ITGB4: variants seen among roughly 807,000 people sequenced by gnomAD.
ITGB4 encodes the protein integrin beta-4.
ITGB4 carries 159 observed loss-of-function variants against 207.6 expected under a neutral mutation model. The ratio of observed to expected loss-of-function variants is 0.77; its 90% CI spans 0.67 to 0.87. The LOEUF is 0.87. Ranked by LOEUF, ITGB4 falls within the 40% of genes least tolerant of loss-of-function variation. The pLI is 0.00. For synonymous variants in ITGB4, 1,020 were observed against 1,062.7 expected, an observed-to-expected ratio of 0.96 and a Z score of 0.78; for missense variants, 2,278 against 2,546.8, an observed-to-expected ratio of 0.89 and a Z score of 2.27.
At chr17:75,728,698 A>C (rs556353559) in intron 6 of ITGB4, among the ~76,000 whole-genome samples, 4 of 152,058 alleles carry the variant, frequency 2.6e-5, no homozygotes, top group Non-Finnish European at 5.9e-5. Context: ...AAAAATACAA[A>C]AATTGGCTGG....
At chr17:75,728,833 G>A (rs567681388) in intron 6 of ITGB4, among the ~76,000 whole-genome samples, 10 of 152,008 alleles carry the variant, frequency 6.6e-5, no homozygotes, top group Admixed American at 6.6e-4. Flanking sequence ...AAATACAAAA[G>A]ATTAGCCAGG....
rs774074057 is a variant in ITGB4, at chr17:75,731,367, T to C, written c.1214T>C (p.Val405Ala). 3.1e-6 allele frequency: 5 copies of C among 1,608,718 alleles called. No homozygotes were observed. In the Admixed American group the frequency reaches 8.4e-5, roughly 27 times the overall value. ...TCCTTTCACATCCGGCGGGGGGAAG[T>C]GGTACGCCTCTGTGGGGGCAGCGGG... ...TGSFHIRRGE[V>A]GIYQVQLRAL... Residue 405 changes from valine (V) to alanine (A), a missense_variant and splice_region_variant, in exon 10 of 40, where the codon GTG becomes GCG. Transcript: ENST00000200181. The surrounding 1 kb of genome is among the most constrained non-coding windows in gnomAD (Gnocchi z 6.8).
At chr17:75,753,675 C>A (rs1277067295) in intron 32 of ITGB4, 90 bp from the exon 33 acceptor site, 1 of 857,940 alleles carries the variant, frequency 1.2e-6, no homozygotes, top group Non-Finnish European at 1.6e-6. Context: ...AGACGGGCTC[C>A]CCTCGCAGAG....
Position 75,721,973 on chromosome 17 carries a change from G to A in ITGB4, c.-11+361G>A, listed in dbSNP as rs1478757169. On this transcript the variant is annotated intron_variant, in intron 1 of 39. Transcript: ENST00000200181. Reference sequence around the variant, plus strand: ...AGTGCTGGGCCCAGCCCATCATGGCGCATCTAATGATAAACCAACATTCCT... The same window carrying A: ...AGTGCTGGGCCCAGCCCATCATGGCACATCTAATGATAAACCAACATTCCT... Among the ~76,000 whole-genome samples, 3 of 152,222 alleles carry A rather than the reference G, an allele frequency of 2.0e-5. No individual in the cohort carries two copies. In the East Asian group the frequency reaches 5.8e-4, roughly 29 times the overall value.
In ITGB4 at chr17:75,737,570, C is replaced by A; in HGVS notation, c.2146C>A (p.Pro716Thr). 2 of 1,599,588 alleles carry A rather than the reference C, an allele frequency of 1.3e-6. No individual in the cohort carries two copies. The highest frequency in any genetic ancestry group is 2.3e-5 in the East Asian group (1 of 44,056). ...CPPGSFWWLI[P>T]LLLLLLPLLA... Reference sequence around the variant, plus strand: ...TCCGGGCTCCTTCTGGTGGCTCATCCCCCTGCTCCTCCTCCTCCTGCCGCT... The same window carrying A: ...TCCGGGCTCCTTCTGGTGGCTCATCACCCTGCTCCTCCTCCTCCTGCCGCT... The change falls in exon 18 of 40, where the codon CCC becomes ACC. Residue 716 changes from proline (P) to threonine (T), a missense_variant. Physicochemically the swap from Pro to Thr is conservative, Grantham distance 38. Coordinates refer to ENST00000200181, the MANE Select transcript of ITGB4 (RefSeq NM_000213.5).
chr17:75,755,628 G>C, intron 34 of ITGB4, 73 bp from the exon 35 acceptor site: 1 of 1,585,724 alleles, frequency 6.3e-7, no homozygotes. Context: ...AGGGAGGTCA[G>C]GGGGCAGCAC....
In ITGB4 at chr17:75,742,733, G is replaced by A; in HGVS notation, c.2934G>A (p.Leu978=). Residue 978 remains leucine, a synonymous_variant, in exon 25 of 40, where the codon CTG becomes CTA. Coordinates refer to ENST00000200181, the MANE Select transcript of ITGB4 (RefSeq NM_000213.5). This position sits in a 1 kb window ranked among gnomAD's most constrained non-coding sequence, Gnocchi z 5.9. ...PAGTATLGRR[L]VNITIIKEQA... is the part of the protein sequence containing the mutation. ...GCACTGCCACCCTCGGCCGCCGCCTGGTAAACATCACCATCATCAAGGAGC... is the reference window on the plus strand; with the variant it reads ...GCACTGCCACCCTCGGCCGCCGCCTAGTAAACATCACCATCATCAAGGAGC... 1 of 1,612,102 alleles carries A rather than the reference G, an allele frequency of 6.2e-7. No individual in the cohort carries two copies. Among genetic ancestry groups the A allele is most frequent in the Non-Finnish European group, 8.5e-7 (1 of 1,180,002 alleles).
chr17:75,752,404 G>A, intron 31 of ITGB4, 42 bp from the exon 32 acceptor site: 1 of 1,612,838 alleles, frequency 6.2e-7, no homozygotes. Flanking sequence ...AGGGGGGCAG[G>A]GGGCAGCAGC....
chr17:75,733,140 G>A (rs2060898406), intron 12 of ITGB4, among the ~76,000 whole-genome samples: 1 of 151,358 alleles, frequency 6.6e-6, no homozygotes, highest in South Asian at 2.1e-4. Context: ...TGTAATTTCA[G>A]CACTTTGGGA....
rs1430173079 is a variant in ITGB4, at chr17:75,727,501, C to T, written c.260C>T (p.Thr87Ile). ...IVVMESSFQI[T>I]EETQIDTTLR... is the part of the protein sequence containing the mutation. ...GTCATGGAGAGCAGCTTCCAAATCA[C>T]AGAGGTGCCTGGTGTGGGGACTGGG... The change falls in exon 4 of 40, where the codon ACA (threonine) becomes ATA (isoleucine). Residue 87 changes from threonine to isoleucine, a missense_variant. By Grantham distance (89) the Thr-to-Ile change is moderately conservative. Coordinates refer to ENST00000200181, the MANE Select transcript of ITGB4 (RefSeq NM_000213.5). The surrounding 1 kb of genome is among the most constrained non-coding windows in gnomAD (Gnocchi z 6.0). 5 of 1,613,658 alleles carry T rather than the reference C, an allele frequency of 3.1e-6. No homozygotes were observed. The South Asian group carries it at 4.4e-5, about 14-fold the overall frequency.
At position 75,733,583 on chromosome 17, in the gene ITGB4, G is replaced by A; in HGVS notation, c.1548G>A (p.Gly516=). The A allele has an allele frequency of 6.2e-7, 1 of 1,614,120 alleles. No homozygotes were observed. ...AGGACAAGCCGTGCTCCGGCCGTGG[G>A]GAGTGCCAGTGCGGGCACTGTGTGT... ...EGEDKPCSGR[G]ECQCGHCVCY... The change falls in exon 13 of 40, where the codon GGG becomes GGA. Residue 516 remains glycine, a synonymous_variant. Coordinates refer to ENST00000200181, the MANE Select transcript of ITGB4 (RefSeq NM_000213.5).
In ITGB4 at chr17:75,740,177, C is replaced by T. The variant is rs1173500989; in HGVS notation, c.2446+106C>T. ...CTTCTCTGGGTGTGGGGTGCAGGCA[C>T]AGGGCTCAGCCACCTTTTGCCCTGT... On this transcript the variant is annotated intron_variant, in intron 20 of 39. Transcript: ENST00000200181. This position sits in a 1 kb window ranked among gnomAD's most constrained non-coding sequence, Gnocchi z 5.9. 1 of 1,321,048 alleles carries T rather than the reference C, an allele frequency of 7.6e-7. No homozygotes were observed. Among genetic ancestry groups the T allele is most frequent in the East Asian group, 2.5e-5 (1 of 40,318 alleles). The allele number at this position is 1,321,048 out of a possible 1,614,324, so 81.8% of individuals were successfully genotyped here.
chr17:75,753,943 G>A lies in ITGB4; in HGVS notation c.4287G>A (p.Leu1429=). The change falls in exon 33 of 40, where the codon CTG becomes CTA. Residue 1429 remains leucine (L), a synonymous_variant. Transcript: ENST00000200181. ...GCGCGGGCGGGAAGGGCGGCAGCCT[G>A]CCCCGCAGTGCGACACCCGGGCCCC... is the stretch of plus-strand genomic sequence containing the variant. ...DGGAGGKGGS[L]PRSATPGPPG... is the part of the protein sequence containing the mutation. 7.8e-7 allele frequency: 1 copy of A among 1,273,896 alleles called. No homozygotes were observed. Among genetic ancestry groups the A allele is most frequent in the Non-Finnish European group, 9.8e-7 (1 of 1,015,750 alleles). The allele number at this position is 1,273,896 out of a possible 1,614,324, so 78.9% of individuals were successfully genotyped here.
intron 34 of ITGB4, chr17:75,755,342 A>C: frequency 1.0e-6 from 1 of 1,004,666 alleles, no homozygotes; most frequent in Non-Finnish European, 1.4e-6. Context: ...GCCTGCCCAC[A>C]GGCGCTAACC....
At chr17:75,724,929 T>C in intron 2 of ITGB4, 147 bp downstream of exon 2, 1 of 741,448 alleles carries the variant, frequency 1.3e-6, no homozygotes, top group Non-Finnish European at 2.4e-6. Flanking sequence ...GCTGGAAAAC[T>C]TGAGGCTCCA....
chr17:75,727,814 C>A lies in ITGB4; in HGVS notation c.428C>A (p.Ser143Tyr). The change falls in exon 5 of 40, where the codon TCC becomes TAC. Residue 143 changes from serine to tyrosine, a missense_variant. Ser to Tyr is a moderately radical substitution (Grantham distance 144, BLOSUM62 -2). Coordinates refer to ENST00000200181, the MANE Select transcript of ITGB4 (RefSeq NM_000213.5). This position sits in a 1 kb window ranked among gnomAD's most constrained non-coding sequence, Gnocchi z 6.0. Reference protein sequence around the residue: ...YILMDFSNSMSDDLDNLKKMG... With the variant: ...YILMDFSNSMYDDLDNLKKMG... The stretch of plus-strand genomic sequence containing the variant: ...CTCATGGACTTCTCCAACTCCATGT[C>A]CGATGATCTGGACAACCTCAAGAAG... 1 of 1,614,020 alleles carries A rather than the reference C, an allele frequency of 6.2e-7. No homozygotes were observed. The highest frequency in any genetic ancestry group is 8.5e-7 in the Non-Finnish European group (1 of 1,179,994).
In ITGB4 at chr17:75,739,601, G is replaced by A; in HGVS notation, c.2221-71G>A. The A allele has an allele frequency of 6.4e-7, 1 of 1,562,934 alleles. No homozygotes were observed. The highest frequency in any genetic ancestry group is 8.8e-7 in the Non-Finnish European group (1 of 1,134,578). ...CCTCTTGACCATTGGCATGGGGCGG[G>A]GTGGCTGGAAGGGCTTACCTGGGCC... On this transcript the variant is annotated intron_variant, in intron 18 of 39. Transcript: ENST00000200181. This position sits in a 1 kb window ranked among gnomAD's most constrained non-coding sequence, Gnocchi z 5.4.
chr17:75,734,127 G>GTTTTTTT (rs58249158), intron 13 of ITGB4, among the ~76,000 whole-genome samples: 2 of 76,094 alleles, frequency 2.6e-5, no homozygotes, highest in African/African-American at 1.2e-4. Context: ...TGTTGCTGCT[G>GTTTTTTT]TTTTTTTTTT....
In ITGB4 at chr17:75,742,316, C is replaced by T. The variant is rs1282825139; in HGVS notation, c.2634-25C>T. On this transcript the variant is annotated intron_variant, in intron 23 of 39. Transcript: ENST00000200181. This position sits in a 1 kb window ranked among gnomAD's most constrained non-coding sequence, Gnocchi z 5.9. Reference sequence around the variant, plus strand: ...AGGTGCCAGCCTGACCCCTCCGCTGCCTGAACCTTCCACCCTCGACCCAGG... The same window carrying T: ...AGGTGCCAGCCTGACCCCTCCGCTGTCTGAACCTTCCACCCTCGACCCAGG... 10 of 1,612,966 alleles carry T rather than the reference C, an allele frequency of 6.2e-6. No individual in the cohort carries two copies. The Admixed American group carries it at 8.3e-5, about 13-fold the overall frequency.
Sources: allele counts gnomAD v4.1 joint callset (sites outside exome capture counted in the v4.1 genomes callset), GRCh38; gene constraint gnomAD v4.1.1; non-coding constraint Gnocchi (gnomAD v3.1); transcripts MANE v1.5; gene names NCBI Gene and HGNC (gene_info 2026-07-23, HGNC 2026-07-21).